SDK2: variants seen among roughly 807,000 people sequenced by gnomAD.
The protein encoded by SDK2 is sidekick cell adhesion molecule 2.
In SDK2, 105 loss-of-function variants were observed where a neutral mutation model predicts 253.9. The ratio of observed to expected loss-of-function variants is 0.41; its 90% CI spans 0.35 to 0.49. The LOEUF is 0.49. Ranked by LOEUF, SDK2 falls within the 20% of genes least tolerant of loss-of-function variation. SDK2 has a pLI of 0.06. For missense variants in SDK2, 2,608 were observed against 3,003.0 expected, an observed-to-expected ratio of 0.87 and a Z score of 3.07; for synonymous variants, 1,249 against 1,234.9, an observed-to-expected ratio of 1.01 and a Z score of -0.24.
At chr17:73,377,473 C>T (rs28698457) in intron 36 of SDK2, among the ~76,000 whole-genome samples, 8,682 of 151,750 alleles carry the variant, frequency 0.057, 834 homozygotes, top group African/African-American at 0.2. Context: ...TCTGCCTCGG[C>T]CTCCCAAAGT....
chr17:73,574,487 T>A (rs2045431483), intron 1 of SDK2, among the ~76,000 whole-genome samples: 1 of 152,044 alleles, frequency 6.6e-6, no homozygotes, highest in Non-Finnish European at 1.5e-5. Flanking sequence ...CCTTATTAGT[T>A]TTTTCTCTCC....
chr17:73,542,164 T>G (rs2044879191), intron 1 of SDK2, among the ~76,000 whole-genome samples: 1 of 152,202 alleles, frequency 6.6e-6, no homozygotes, highest in Admixed American at 6.5e-5. Context: ...TGGCCCCAAG[T>G]CCCTCTCTGG....
rs1333066553 is a variant in SDK2 at position 73,385,836 on chromosome 17, C to T, written c.4569+11G>A. ...GGTCTTCACGGAGGTTTCCTGCCCG[C>T]TGGGCCATACCTGCCATCGGATTAG... On this transcript the variant is annotated intron_variant, in intron 32 of 44. Transcript: ENST00000392650. The T allele has an allele frequency of 1.2e-6, 2 of 1,600,166 alleles. No individual in the cohort carries two copies. Among genetic ancestry groups the T allele is most frequent in the East Asian group, 4.5e-5 (2 of 44,420 alleles).
Position 73,379,197 on chromosome 17 carries a change from C to G in SDK2, c.4960G>C (p.Gly1654Arg), listed in dbSNP as rs2062809382. 1.3e-6 allele frequency: 2 copies of G among 1,558,048 alleles called. No individual in the cohort carries two copies. Among genetic ancestry groups the G allele is most frequent in the Non-Finnish European group, 1.7e-6 (2 of 1,150,396 alleles). Reference protein sequence around the residue: ...WEPPPLDSQNGDIQGYKIYFW... With the variant: ...WEPPPLDSQNRDIQGYKIYFW... ...CCTACCTTGTACCCCTGGATGTCTC[C>G]ATTCTGGCTGTCCAGCGGAGGTGGC... The change falls in exon 36 of 45, where the codon GGA becomes CGA. Residue 1654 changes from glycine (G) to arginine (R), a missense_variant. Physicochemically the swap from Gly to Arg is moderately radical, Grantham distance 125 (BLOSUM62 -2). Transcript: ENST00000392650. This position sits in a 1 kb window ranked among gnomAD's most constrained non-coding sequence, Gnocchi z 4.5.
intron 40 of SDK2, among the ~76,000 whole-genome samples, chr17:73,356,229 A>G (rs7207820): frequency 0.91 from 138,012 of 152,226 alleles, 63,596 homozygotes; most frequent in Non-Finnish European, 0.98. Context: ...GGCTGGGATC[A>G]TTGAGGCCCC....
chr17:73,495,748 C>T (rs1400721834), intron 2 of SDK2, among the ~76,000 whole-genome samples: 1 of 151,948 alleles, frequency 6.6e-6, no homozygotes, highest in Non-Finnish European at 1.5e-5. Context: ...GAGCTGGCCT[C>T]AGGTCGGGAG....
intron 1 of SDK2, among the ~76,000 whole-genome samples, chr17:73,637,071 C>T (rs2046341518): frequency 6.6e-6 from 1 of 152,304 alleles, no homozygotes; most frequent in South Asian, 2.1e-4. Context: ...ATACATACCA[C>T]TTCTTAACAG....
intron 4 of SDK2, among the ~76,000 whole-genome samples, chr17:73,450,111 G>A (rs35694818): frequency 0.26 from 40,082 of 152,072 alleles, 6,019 homozygotes; most frequent in Non-Finnish European, 0.33. Context: ...CTTGTCCTTA[G>A]GTATAGCATG....
intron 1 of SDK2, among the ~76,000 whole-genome samples, chr17:73,591,741 G>T (rs1348199174): frequency 6.6e-6 from 1 of 152,172 alleles, no homozygotes; most frequent in Admixed American, 6.5e-5. Context: ...GACACAAGGA[G>T]ACCTGGTCCC....
In SDK2 at chr17:73,513,161, A is replaced by G. The variant is rs147157261; in HGVS notation, c.65-5564T>C. Among the ~76,000 whole-genome samples the G allele has an allele frequency of 7.4e-4, 113 of 151,860 alleles. No homozygotes were observed. The Middle Eastern group carries it at 0.014, about 18-fold the overall frequency. ...TGCCTGGAAAAAAAAAAACCCTCAT[A>G]AACAAAAAGAAGTGACAAATGACAA... On this transcript the variant is annotated intron_variant, in intron 1 of 44. Transcript: ENST00000392650.
At position 73,384,137 on chromosome 17, in the gene SDK2, G is replaced by C. The variant is rs916033143; in HGVS notation, c.4570-126C>G. ...TGTTTTAACCAGGAAAAGAAATCAA[G>C]ATAATATTGGGCATTTTAAATTTAC... On this transcript the variant is annotated intron_variant, in intron 32 of 44. Coordinates refer to ENST00000392650, the MANE Select transcript of SDK2 (RefSeq NM_001144952.2). 57 of 1,086,762 alleles carry C rather than the reference G, an allele frequency of 5.2e-5. No homozygotes were observed. The African/African-American group carries it at 8.7e-4, about 17-fold the overall frequency. 67.3% of individuals were successfully genotyped at this position (1,086,762 alleles called of 1,614,324 possible). A position where few individuals can be genotyped will look rare whatever the true frequency, so the allele number is the denominator to read the frequency against.
Position 73,338,689 on chromosome 17 carries a change from G to C in SDK2, c.6417C>G (p.Asn2139Lys). ...TCTGCTGACTTGGGGGGTTAGGGGG[G>C]TTCTGGGGCGTTGGAGTCCGACTGG... Reference protein sequence around the residue: ...PKASRTPTPQNPPNPPSQQST... With the variant: ...PKASRTPTPQKPPNPPSQQST... The change falls in exon 45 of 45, where the codon AAC becomes AAG. Residue 2139 changes from asparagine to lysine, a missense_variant. By Grantham distance (94) the Asn-to-Lys change is moderately conservative. Around this residue, in one of 2 missense-constraint regions of SDK2, gnomAD observed 1,103 missense variants for 1,143.9 expected, o/e 0.96. Transcript: ENST00000392650. The surrounding 1 kb of genome is among the most constrained non-coding windows in gnomAD (Gnocchi z 5.0). 1.2e-6 allele frequency: 2 copies of C among 1,604,284 alleles called. No homozygotes were observed. The highest frequency in any genetic ancestry group is 8.5e-7 in the Non-Finnish European group (1 of 1,174,836).
chr17:73,478,958 A>T (rs2063704578), intron 2 of SDK2, among the ~76,000 whole-genome samples: 1 of 152,242 alleles, frequency 6.6e-6, no homozygotes, highest in Non-Finnish European at 1.5e-5. Context: ...GAGCACACTC[A>T]TGCATACTCA....
chr17:73,392,500 C>T (rs2062936485), intron 27 of SDK2, among the ~76,000 whole-genome samples: 4 of 152,088 alleles, frequency 2.6e-5, no homozygotes, highest in East Asian at 1.9e-4. Flanking sequence ...AACTCCTGAC[C>T]TCAAGTGGTC....
At chr17:73,475,350 C>T (rs1255127136) in intron 2 of SDK2, among the ~76,000 whole-genome samples, 1 of 152,168 alleles carries the variant, frequency 6.6e-6, no homozygotes, top group South Asian at 2.1e-4. Context: ...TGGGGTTTCA[C>T]CATGTTGGCC....
In SDK2 at chr17:73,387,691, GGGGGCCGCCT is replaced by G; in HGVS notation, c.4394+135_4394+144del. 1.8e-5 allele frequency: 12 copies of G among 671,264 alleles called. No individual in the cohort carries two copies. In the South Asian group the frequency reaches 2.4e-4, roughly 13 times the overall value. The allele number at this position is 671,264 out of a possible 1,614,324, so 41.6% of individuals were successfully genotyped here. ...GATTTGCGAGGGTGAGAGTGGACGC[GGGGGCCGCCT>G]GGGTGGTGCATGTAGGAGGAGAGCT... On this transcript the variant is annotated intron_variant, in intron 30 of 44. Coordinates refer to ENST00000392650, the MANE Select transcript of SDK2 (RefSeq NM_001144952.2).
chr17:73,519,528 T>C, intron 1 of SDK2: 1 of 152,020 alleles, frequency 6.6e-6, no homozygotes, highest in African/African-American at 2.4e-5. Flanking sequence ...GAAGGAAAGA[T>C]GGGTATTTGT....
intron 1 of SDK2, among the ~76,000 whole-genome samples, chr17:73,561,668 G>A (rs2045236370): frequency 6.6e-6 from 1 of 152,368 alleles, no homozygotes; most frequent in South Asian, 2.1e-4. Context: ...AACAAGTAGA[G>A]TGGCCTTAGA....
intron 1 of SDK2, among the ~76,000 whole-genome samples, chr17:73,636,070 C>T (rs541505622): frequency 3.3e-5 from 5 of 152,278 alleles, no homozygotes; most frequent in Non-Finnish European, 7.3e-5. Context: ...CTGGGCATCT[C>T]CCTGGAGAAT....
Sources: gnomAD v4.1 joint callset for allele counts (sites outside exome capture counted in the v4.1 genomes callset) on GRCh38, gnomAD v4.1.1 for gene constraint, gnomAD v4.1.1 regional missense constraint, Gnocchi (gnomAD v3.1) non-coding constraint, MANE v1.5 for transcripts, NCBI Gene and HGNC (gene_info 2026-07-23, HGNC 2026-07-21) for gene names.